The following DLGAP2 variants were observed in gnomAD, a reference collection of about 807,000 sequenced individuals.
The protein encoded by DLGAP2 is DLG associated protein 2, also known as disks large-associated protein 2.
Under a neutral mutation model 100.3 loss-of-function variants are expected in DLGAP2, and 26 were observed. That is an observed-to-expected ratio of 0.26 (90% CI 0.19 to 0.36). The LOEUF (loss-of-function observed/expected upper bound fraction) is 0.36, where lower values mean the gene tolerates loss of function less well. Among genes scored for constraint, DLGAP2 ranks in the 10% least tolerant of loss-of-function variants. The pLI, the probability that DLGAP2 is intolerant of heterozygous loss-of-function variation, is 1.00. For synonymous variants in DLGAP2, 886 were observed against 630.1 expected, an observed-to-expected ratio of 1.41 and a Z score of -6.08; for missense variants, 1,858 against 1,453.2, an observed-to-expected ratio of 1.28 and a Z score of -4.53.
At chr8:762,876 C>T (rs1009049360) in intron 1 of DLGAP2, among the ~76,000 whole-genome samples, 2 of 152,070 alleles carry the variant, frequency 1.3e-5, no homozygotes, top group African/African-American at 4.8e-5. Context: ...CAGAGTTTCA[C>T]CATATTGCTC....
Position 1,668,976 on chromosome 8 carries a change from G to T in DLGAP2, c.2160+298G>T, listed in dbSNP as rs969678789. Among the ~76,000 whole-genome samples, 3 of 152,204 alleles carry T rather than the reference G, an allele frequency of 2.0e-5. No homozygotes were observed. The East Asian group carries it at 5.8e-4, about 29-fold the overall frequency. Reference sequence around the variant, plus strand: ...CACTCCGGGCCACTTGTTTTCCAAGGGCCAAAGGCTGCCTAGAGAGTATGG... The same window carrying T: ...CACTCCGGGCCACTTGTTTTCCAAGTGCCAAAGGCTGCCTAGAGAGTATGG... On this transcript the variant is annotated intron_variant, in intron 9 of 14. Transcript: ENST00000637795.
chr8:1,096,098 T>C (rs916164528), intron 2 of DLGAP2, among the ~76,000 whole-genome samples: 3 of 152,248 alleles, frequency 2.0e-5, no homozygotes, highest in African/African-American at 7.2e-5. Flanking sequence ...AAATTATTTT[T>C]CCATTTACAT....
At chr8:1,576,542 C>T (rs938398499) in intron 6 of DLGAP2, among the ~76,000 whole-genome samples, 1 of 152,054 alleles carries the variant, frequency 6.6e-6, no homozygotes, top group Admixed American at 6.6e-5. Context: ...AAGTCCTTGC[C>T]CATGCGTATG....
At chr8:1,331,006 G>T (rs1224815535) in intron 3 of DLGAP2, among the ~76,000 whole-genome samples, 1 of 152,138 alleles carries the variant, frequency 6.6e-6, no homozygotes, top group Non-Finnish European at 1.5e-5. Context: ...CGCTTCATGG[G>T]GACTGAGTTC....
At chr8:1,463,999 G>C (rs1174743719) in intron 3 of DLGAP2, among the ~76,000 whole-genome samples, 1 of 152,212 alleles carries the variant, frequency 6.6e-6, no homozygotes, top group African/African-American at 2.4e-5. Flanking sequence ...CTGAAACCTG[G>C]AAGAAAAAGA....
At chr8:1,178,521 C>G (rs1190322748) in intron 2 of DLGAP2, among the ~76,000 whole-genome samples, 1 of 152,162 alleles carries the variant, frequency 6.6e-6, no homozygotes, top group Non-Finnish European at 1.5e-5. Context: ...TTGACAAACA[C>G]AGCACTTGGT....
At chr8:1,535,167 G>A (rs1801116105) in intron 4 of DLGAP2, among the ~76,000 whole-genome samples, 1 of 152,240 alleles carries the variant, frequency 6.6e-6, no homozygotes. Flanking sequence ...ATGCCCAGAA[G>A]TCCCCCCAGG....
At chr8:835,800 T>G (rs1796862487) in intron 1 of DLGAP2, among the ~76,000 whole-genome samples, 1 of 152,048 alleles carries the variant, frequency 6.6e-6, no homozygotes, top group African/African-American at 2.4e-5. Flanking sequence ...TTCTCTGGAG[T>G]TAATGCTTTC....
At chr8:1,302,012 A>C (rs1800355650) in intron 3 of DLGAP2, 1 of 152,274 alleles carries the variant, frequency 6.6e-6, no homozygotes, top group South Asian at 2.1e-4. Flanking sequence ...TGAATTACTA[A>C]CAACTAGGCA....
chr8:1,264,488 A>T (rs765017032), intron 3 of DLGAP2, among the ~76,000 whole-genome samples: 1 of 151,974 alleles, frequency 6.6e-6, no homozygotes, highest in Non-Finnish European at 1.5e-5. Context: ...AGAAATGCAC[A>T]CTCCAGGTAT....
chr8:1,680,874 A>G (rs1434967550), intron 12 of DLGAP2: 2 of 152,226 alleles, frequency 1.3e-5, no homozygotes, highest in Admixed American at 1.3e-4. Flanking sequence ...GTTGACGCCA[A>G]ATTAAATTGC....
chr8:1,349,486 G>A (rs1317629454), intron 3 of DLGAP2, among the ~76,000 whole-genome samples: 8 of 120,732 alleles, frequency 6.6e-5, no homozygotes, highest in African/African-American at 2.1e-4. Context: ...TGAGCCTCCC[G>A]CCCACATCCA....
chr8:1,281,618 C>G (rs923574976), intron 3 of DLGAP2, among the ~76,000 whole-genome samples: 2 of 152,166 alleles, frequency 1.3e-5, no homozygotes, highest in South Asian at 2.1e-4. Flanking sequence ...CATTGGGGAG[C>G]TGTTATTAAT....
chr8:824,460 C>T (rs1040238721), intron 1 of DLGAP2, among the ~76,000 whole-genome samples: 1 of 152,108 alleles, frequency 6.6e-6, no homozygotes, highest in Admixed American at 6.6e-5. Flanking sequence ...TGAGGGAGCG[C>T]GTTGGCTTAC....
intron 2 of DLGAP2, among the ~76,000 whole-genome samples, chr8:922,630 G>A (rs1203492410): frequency 6.6e-6 from 1 of 152,138 alleles, no homozygotes; most frequent in Non-Finnish European, 1.5e-5. Flanking sequence ...TTGATTATTT[G>A]CAACCATGAA....
intron 3 of DLGAP2, among the ~76,000 whole-genome samples, chr8:1,464,498 TC>T (rs1290534031): frequency 6.7e-6 from 1 of 149,480 alleles, no homozygotes; most frequent in African/African-American, 2.5e-5. Context: ...ACAGCTCCCT[TC>T]CAGGACGGCA....
chr8:1,572,332 T>G (rs1359099432), intron 6 of DLGAP2, among the ~76,000 whole-genome samples: 12 of 72,120 alleles, frequency 1.7e-4, no homozygotes, highest in East Asian at 5.0e-4. Context: ...GAGTGAACTG[T>G]GGGGGCGTCT....
At chr8:1,385,014 G>A (rs1367734745) in intron 3 of DLGAP2, among the ~76,000 whole-genome samples, 5 of 86,146 alleles carry the variant, frequency 5.8e-5, no homozygotes, top group Admixed American at 1.2e-4. Flanking sequence ...GCCTATGCCC[G>A]GCCCCTGAGA....
chr8:968,946 G>T (rs1799947370), intron 2 of DLGAP2, among the ~76,000 whole-genome samples: 1 of 152,196 alleles, frequency 6.6e-6, no homozygotes, highest in South Asian at 2.1e-4. Context: ...TTCACCTAAA[G>T]TCACAGTTCC....
Sources: allele counts gnomAD v4.1 joint callset (sites outside exome capture counted in the v4.1 genomes callset), GRCh38; gene constraint gnomAD v4.1.1; transcripts MANE v1.5; gene names NCBI Gene and HGNC (gene_info 2026-07-23, HGNC 2026-07-21).